NCKAP5: variants seen among roughly 807,000 people sequenced by gnomAD.
NCKAP5 encodes the protein nck-associated protein 5.
Under a neutral mutation model 167.0 loss-of-function variants are expected in NCKAP5, and 92 were observed. The ratio of observed to expected loss-of-function variants is 0.55; its 90% confidence interval spans 0.47 to 0.66. The LOEUF (loss-of-function observed/expected upper bound fraction) is 0.66. Among genes scored for constraint, NCKAP5 ranks in the 30% least tolerant of loss-of-function variants. The probability of loss-of-function intolerance (pLI) is 0.00; values close to 1 mark genes in which losing one functional copy is unlikely to be tolerated. For missense variants in NCKAP5, 2,378 were observed against 2,315.0 expected (o/e 1.03, Z -0.56); for synonymous variants, 891 against 877.4 (o/e 1.02, Z -0.27).
In NCKAP5 at chr2:133,480,036, A is replaced by G. The variant is rs566404053; in HGVS notation, c.69+37422T>C. Among the ~76,000 whole-genome samples the G allele has an allele frequency of 4.0e-5, 6 of 151,380 alleles. No individual in the cohort carries two copies. The East Asian group carries it at 1.2e-3, about 29-fold the overall frequency. ...TACCTCCACCTCCTGGGTTTAAGCA[A>G]TTCTCCTGCCTCAGCCTCCTGAGTA... On this transcript the variant is annotated intron_variant, in intron 3 of 19. Coordinates refer to ENST00000409261, the MANE Select transcript of NCKAP5 (RefSeq NM_207363.3).
chr2:133,423,571 G>A (rs1199771051), intron 3 of NCKAP5, among the ~76,000 whole-genome samples: 2 of 152,054 alleles, frequency 1.3e-5, no homozygotes, highest in Non-Finnish European at 1.5e-5. Flanking sequence ...AAATGCCCAG[G>A]GACTTCTGGA....
At chr2:132,866,320 A>G (rs1690348964) in intron 10 of NCKAP5, among the ~76,000 whole-genome samples, 1 of 152,190 alleles carries the variant, frequency 6.6e-6, no homozygotes, top group African/African-American at 2.4e-5. Context: ...ATGAAGATAA[A>G]ATATATTTCA....
chr2:133,547,670 G>C (rs1372293244), intron 2 of NCKAP5, among the ~76,000 whole-genome samples: 8 of 151,472 alleles, frequency 5.3e-5, no homozygotes, highest in Non-Finnish European at 1.2e-4. Flanking sequence ...TGAGGTTCCT[G>C]TCTGTTAGAA....
At chr2:133,516,055 G>A (rs1292593731) in intron 3 of NCKAP5, among the ~76,000 whole-genome samples, 1 of 152,240 alleles carries the variant, frequency 6.6e-6, no homozygotes, top group Non-Finnish European at 1.5e-5. Context: ...CAATACCGAT[G>A]ATATTTCTGG....
chr2:133,452,541 G>A (rs768167609), intron 3 of NCKAP5, among the ~76,000 whole-genome samples: 10 of 152,208 alleles, frequency 6.6e-5, no homozygotes, highest in Non-Finnish European at 1.2e-4. Flanking sequence ...TGGCATAGAT[G>A]TAGGAAGGAG....
chr2:133,339,996 C>T (rs755303537), intron 3 of NCKAP5, among the ~76,000 whole-genome samples: 3 of 152,208 alleles, frequency 2.0e-5, no homozygotes, highest in African/African-American at 4.8e-5. Flanking sequence ...GTTTAGCTTC[C>T]GGGTGTTAGA....
intron 4 of NCKAP5, among the ~76,000 whole-genome samples, chr2:133,266,696 G>A (rs896314166): frequency 2.6e-5 from 4 of 152,190 alleles, no homozygotes; most frequent in African/African-American, 9.6e-5. Context: ...CCGCAGCCCG[G>A]GCACCTCGCG....
intron 5 of NCKAP5, among the ~76,000 whole-genome samples, chr2:133,204,473 G>A (rs754763158): frequency 1.3e-5 from 2 of 152,070 alleles, no homozygotes; most frequent in Non-Finnish European, 2.9e-5. Context: ...CACACAGATC[G>A]ACTTCATTTT....
intron 3 of NCKAP5, among the ~76,000 whole-genome samples, chr2:133,351,350 T>A (rs1047319230): frequency 6.6e-6 from 1 of 152,148 alleles, no homozygotes; most frequent in Non-Finnish European, 1.5e-5. Context: ...TTGGTACTTG[T>A]AAACTGAGGA....
intron 19 of NCKAP5, among the ~76,000 whole-genome samples, chr2:132,705,217 T>C (rs1189047405): frequency 6.6e-6 from 1 of 152,172 alleles, no homozygotes; most frequent in Non-Finnish European, 1.5e-5. Context: ...TCTCTCTCTC[T>C]GCTGGATTAC....
chr2:133,074,016 T>C (rs1573950340), intron 6 of NCKAP5, among the ~76,000 whole-genome samples: 1 of 152,332 alleles, frequency 6.6e-6, no homozygotes, highest in African/African-American at 2.4e-5. Flanking sequence ...AGTGCTGATA[T>C]ACTTTCTCAA....
chr2:133,421,003 T>C (rs1348337833), intron 3 of NCKAP5, among the ~76,000 whole-genome samples: 1 of 152,218 alleles, frequency 6.6e-6, no homozygotes, highest in African/African-American at 2.4e-5. Context: ...ATACCAACTC[T>C]TCTTTCCTAA....
intron 11 of NCKAP5, among the ~76,000 whole-genome samples, chr2:132,845,027 T>C (rs545075209): frequency 2.8e-4 from 42 of 152,116 alleles, no homozygotes; most frequent in Non-Finnish European, 4.9e-4. Context: ...GAAAAAAGGT[T>C]ATCTTGTGTT....
intron 8 of NCKAP5, among the ~76,000 whole-genome samples, chr2:132,909,754 G>A (rs1694298504): frequency 6.6e-6 from 1 of 152,160 alleles, no homozygotes; most frequent in Non-Finnish European, 1.5e-5. Flanking sequence ...GAGGTGACTA[G>A]CTTTGTCATT....
chr2:132,869,259 T>A (rs1574470341), intron 9 of NCKAP5, among the ~76,000 whole-genome samples: 1 of 152,288 alleles, frequency 6.6e-6, no homozygotes, highest in Admixed American at 6.5e-5. Flanking sequence ...TGATATCCTT[T>A]CATATACTCC....
chr2:132,949,971 G>A (rs1170506256), intron 8 of NCKAP5, among the ~76,000 whole-genome samples: 3 of 152,132 alleles, frequency 2.0e-5, no homozygotes, highest in African/African-American at 2.4e-5. Flanking sequence ...GTGGGCACCT[G>A]TAATCCCATC....
intron 5 of NCKAP5, among the ~76,000 whole-genome samples, chr2:133,187,728 G>A (rs1297208329): frequency 6.6e-6 from 1 of 152,010 alleles, no homozygotes; most frequent in African/African-American, 2.4e-5. Context: ...AATTTCCAGT[G>A]AGATGGCCTT....
chr2:133,491,363 C>T (rs1048270421), intron 3 of NCKAP5, among the ~76,000 whole-genome samples: 7 of 152,114 alleles, frequency 4.6e-5, no homozygotes, highest in African/African-American at 1.7e-4. Context: ...ATAAGGTGGT[C>T]AGGGAAGGCT....
intron 3 of NCKAP5, among the ~76,000 whole-genome samples, chr2:133,465,885 G>A (rs972341286): frequency 6.9e-6 from 1 of 145,596 alleles, no homozygotes; most frequent in African/African-American, 2.5e-5. Context: ...ATTTGTTTGA[G>A]TTCATTGTAG....
Sources: gnomAD v4.1 joint callset for allele counts (sites outside exome capture counted in the v4.1 genomes callset) on GRCh38, gnomAD v4.1.1 for gene constraint, MANE v1.5 for transcripts, NCBI Gene and HGNC (gene_info 2026-07-23, HGNC 2026-07-21) for gene names.